The following SLC2A9 variants were observed in gnomAD, a reference collection of about 807,000 sequenced individuals.
The protein encoded by SLC2A9 is solute carrier family 2 member 9, also known as solute carrier family 2, facilitated glucose transporter member 9.
In SLC2A9, 39 loss-of-function variants were observed where a neutral mutation model predicts 50.6. The observed-to-expected ratio is 0.77, with a 90% CI of 0.60 to 1.01. The LOEUF is 1.01. SLC2A9 is among the 50% of genes least tolerant of loss of function. The probability of loss-of-function intolerance (pLI) is 0.00; values close to 1 mark genes in which losing one functional copy is unlikely to be tolerated. For missense variants in SLC2A9, 686 were observed against 677.6 expected, an observed-to-expected ratio of 1.01 and a Z score of -0.14; for synonymous variants, 324 against 276.9, an observed-to-expected ratio of 1.17 and a Z score of -1.69.
intron 1 of SLC2A9, among the ~76,000 whole-genome samples, chr4:10,036,319 CA>C (rs906409994): frequency 1.3e-5 from 2 of 149,658 alleles, no homozygotes; most frequent in Non-Finnish European, 3.0e-5. Context: ...TGAAATTGAC[CA>C]AAAAAAAAGA....
At chr4:9,854,502 G>A (rs953250504) in intron 10 of SLC2A9, among the ~76,000 whole-genome samples, 1 of 152,160 alleles carries the variant, frequency 6.6e-6, no homozygotes, top group Non-Finnish European at 1.5e-5. Context: ...GGAACAGATG[G>A]ATTCACAACT....
Position 10,021,328 on chromosome 4 carries a change from C to G in SLC2A9, c.102G>C (p.Leu34=). ...CCCCACTCCTCAGGTGGTCACACTC[C>G]AGCAGTGCCCTCCCTGGCCCTGGAG... is the stretch of plus-strand genomic sequence containing the variant. ...AGPPGPGRAL[L]ECDHLRSGVP... Residue 34 remains leucine, a synonymous_variant, in exon 1 of 12, where the codon CTG becomes CTC. Transcript: ENST00000264784. 6.2e-7 allele frequency: 1 copy of G among 1,614,200 alleles called. No homozygotes were observed. Among genetic ancestry groups the G allele is most frequent in the Non-Finnish European group, 8.5e-7 (1 of 1,180,048 alleles).
At chr4:9,974,928 T>G (rs1230498433) in intron 5 of SLC2A9, among the ~76,000 whole-genome samples, 1 of 152,016 alleles carries the variant, frequency 6.6e-6, no homozygotes. Flanking sequence ...TGAAACAGAA[T>G]GGAGAACACA....
upstream of SLC2A9, chr4:10,026,127 A>G (rs1355404379): frequency 1.5e-6 from 1 of 677,314 alleles, no homozygotes. Context: ...CTGGGATGCC[A>G]GGATAGGACA....
chr4:9,930,219 GT>G (rs112058434), intron 6 of SLC2A9, among the ~76,000 whole-genome samples: 3,893 of 152,090 alleles, frequency 0.026, 64 homozygotes, highest in Middle Eastern at 0.054. Context: ...ATGCTCTCTG[GT>G]TTTCACCCAA....
intron 3 of SLC2A9, among the ~76,000 whole-genome samples, chr4:9,780,307 G>A (rs1391544255): frequency 2.0e-5 from 3 of 152,202 alleles, no homozygotes; most frequent in African/African-American, 7.2e-5. Flanking sequence ...GGACAGGGAT[G>A]TCCATGGCCA....
At chr4:9,843,751 A>G (rs1285591505) in intron 10 of SLC2A9, among the ~76,000 whole-genome samples, 1 of 152,228 alleles carries the variant, frequency 6.6e-6, no homozygotes, top group Non-Finnish European at 1.5e-5. Flanking sequence ...TGAACACTCA[A>G]TAGCTTTTAA....
intron 5 of SLC2A9, among the ~76,000 whole-genome samples, chr4:9,962,933 G>A (rs1417767942): frequency 6.6e-6 from 1 of 152,108 alleles, no homozygotes; most frequent in East Asian, 1.9e-4. Flanking sequence ...CCCTGTGCCT[G>A]GAATGGTGTT....
chr4:10,035,457 T>G (rs934866892), intron 1 of SLC2A9: 1 of 152,250 alleles, frequency 6.6e-6, no homozygotes, highest in African/African-American at 2.4e-5. Flanking sequence ...GAGCCATAAT[T>G]GAACGATTCC....
At chr4:9,857,578 G>A (rs1730935502) in intron 10 of SLC2A9, among the ~76,000 whole-genome samples, 1 of 152,230 alleles carries the variant, frequency 6.6e-6, no homozygotes, top group Admixed American at 6.5e-5. Flanking sequence ...CTGTGGAACT[G>A]ACAGAGCTTC....
chr4:9,870,169 G>A (rs530267166), intron 10 of SLC2A9, among the ~76,000 whole-genome samples: 10 of 152,234 alleles, frequency 6.6e-5, no homozygotes, highest in Admixed American at 2.0e-4. Context: ...CTGAAGCCTC[G>A]ATCTCTGCCT....
chr4:9,892,214 G>A (rs1387176365), intron 8 of SLC2A9, among the ~76,000 whole-genome samples: 1 of 152,248 alleles, frequency 6.6e-6, no homozygotes, highest in African/African-American at 2.4e-5. Context: ...CTGTGGGTCA[G>A]CTGAGCACCC....
intron 9 of SLC2A9, among the ~76,000 whole-genome samples, chr4:9,889,115 C>T (rs566341662): frequency 1.3e-5 from 2 of 152,312 alleles, no homozygotes; most frequent in East Asian, 3.9e-4. Context: ...CCCCTTGGGG[C>T]TTATGGGAAC....
chr4:9,809,916 G>A (rs1051034778), intron 3 of SLC2A9, among the ~76,000 whole-genome samples: 3 of 150,060 alleles, frequency 2.0e-5, no homozygotes, highest in African/African-American at 4.9e-5. Context: ...ACAGATGCAT[G>A]CAAAAATCAT....
intron 5 of SLC2A9, among the ~76,000 whole-genome samples, chr4:9,962,217 G>T (rs918647426): frequency 3.3e-5 from 5 of 152,182 alleles, no homozygotes; most frequent in African/African-American, 1.2e-4. Context: ...CCATTACTGG[G>T]TATATACCCA....
At chr4:9,812,061 G>A (rs939448134) in intron 3 of SLC2A9, among the ~76,000 whole-genome samples, 1 of 152,162 alleles carries the variant, frequency 6.6e-6, no homozygotes, top group Non-Finnish European at 1.5e-5. Flanking sequence ...TCCAGATTAT[G>A]TCACTGGTAA....
chr4:10,003,738 A>C (rs1429312881), intron 2 of SLC2A9, among the ~76,000 whole-genome samples: 1 of 152,210 alleles, frequency 6.6e-6, no homozygotes, highest in Non-Finnish European at 1.5e-5. Flanking sequence ...CCTATGGCAA[A>C]ACATGACTGG....
In SLC2A9 at chr4:9,975,939, G is replaced by A. The variant is rs75116124; in HGVS notation, c.681+4653C>T. On this transcript the variant is annotated intron_variant, in intron 5 of 11. Transcript: ENST00000264784. Reference sequence around the variant, plus strand: ...CCATGAGAAGAAGCAAAATCATGTTGTTCGCAGCAACATAGATGGAGCTGG... The same window carrying A: ...CCATGAGAAGAAGCAAAATCATGTTATTCGCAGCAACATAGATGGAGCTGG... Among the ~76,000 whole-genome samples the A allele has an allele frequency of 9.4e-3, 1,436 of 152,234 alleles. 27 individuals carry two copies. Among genetic ancestry groups the A allele is most frequent in the African/African-American group, 0.033 (1,385 of 41,546 alleles).
intron 5 of SLC2A9, among the ~76,000 whole-genome samples, chr4:9,973,647 T>A (rs1181825262): frequency 1.5e-5 from 2 of 129,088 alleles, no homozygotes; most frequent in African/African-American, 6.0e-5. Context: ...CACTCATAGG[T>A]GGGAATTGAA....
Sources: allele counts gnomAD v4.1 joint callset (sites outside exome capture counted in the v4.1 genomes callset), GRCh38; gene constraint gnomAD v4.1.1; transcripts MANE v1.5; gene names NCBI Gene and HGNC (gene_info 2026-07-23, HGNC 2026-07-21).